Variants in SLCO2A1 observed in about 807,000 individuals in gnomAD.
SLCO2A1 encodes solute carrier organic anion transporter family member 2A1.
A neutral mutation model predicts 71.7 loss-of-function variants in SLCO2A1; 60 were observed. The observed-to-expected ratio is 0.84, with a 90% CI of 0.68 to 1.04. The LOEUF is 1.04. Among genes scored for constraint, SLCO2A1 ranks in the 50% least tolerant of loss-of-function variants. SLCO2A1 has a pLI of 0.00. For synonymous variants in SLCO2A1, 308 were observed against 326.7 expected (o/e 0.94, Z 0.62); for missense variants, 745 against 813.4 (o/e 0.92, Z 1.02).
chr3:134,003,957 T>C (rs1935151818), intron 1 of SLCO2A1, among the ~76,000 whole-genome samples: 1 of 152,212 alleles, frequency 6.6e-6, no homozygotes. Flanking sequence ...AAATTCTCCC[T>C]GTGTACAGCA....
Position 133,945,209 on chromosome 3 carries a change from C to T in SLCO2A1, c.1347G>A (p.Ser449=), listed in dbSNP as rs373457618. The T allele has an allele frequency of 9.3e-6, 15 of 1,613,944 alleles. No individual in the cohort carries two copies. The highest frequency in any genetic ancestry group is 4.0e-5 in the African/African-American group (3 of 74,912). Residue 449 remains serine (S), a synonymous_variant, in exon 10 of 14, where the codon TCG becomes TCA. Transcript: ENST00000310926. ...PQSPACRRDC[S]CPDSIFHPVC... ...CCGGGTGGAAGATAGAATCTGGGCA[C>T]GAGCAGTCCCTGCGGCAGGCAGGAG...
intron 11 of SLCO2A1, among the ~76,000 whole-genome samples, chr3:133,940,901 CCAGGAG>C (rs1933404636): frequency 6.6e-6 from 1 of 152,158 alleles, no homozygotes; most frequent in Non-Finnish European, 1.5e-5. Flanking sequence ...TCCTCCAAGA[CCAGGAG>C]CAGCGGTGCT....
intron 12 of SLCO2A1, among the ~76,000 whole-genome samples, chr3:133,936,242 G>T (rs1933268280): frequency 1.3e-5 from 2 of 152,158 alleles, no homozygotes; most frequent in Admixed American, 6.5e-5. Flanking sequence ...GGCTCTCCAG[G>T]CATCGACTTC....
chr3:134,014,319 TA>T (rs970279611), intron 1 of SLCO2A1, among the ~76,000 whole-genome samples: 4 of 152,096 alleles, frequency 2.6e-5, no homozygotes, highest in Non-Finnish European at 2.9e-5. Flanking sequence ...TGAGCCTCCA[TA>T]GCTTTTCCCT....
chr3:133,951,231 G>T lies in SLCO2A1; in HGVS notation c.838C>A (p.Arg280=). The T allele has an allele frequency of 6.2e-7, 1 of 1,613,934 alleles. No homozygotes were observed. Residue 280 remains arginine, a synonymous_variant, in exon 6 of 14, where the codon CGA becomes AGA. Transcript: ENST00000310926. ...LTSFPFFFFP[R]AMPIGAKRAP... is the part of the protein sequence containing the mutation. The stretch of plus-strand genomic sequence containing the variant: ...ACCTTTGCTCCTATGGGCATTGCTC[G>T]AGGGAAGAAAAAAAAGGGGAAAGAG...
intron 3 of SLCO2A1, among the ~76,000 whole-genome samples, chr3:133,968,796 G>A (rs901619218): frequency 1.3e-5 from 2 of 152,172 alleles, no homozygotes; most frequent in East Asian, 1.9e-4. Context: ...ACCTCTCCGC[G>A]CCTTCCAGAC....
intron 1 of SLCO2A1, 90 bp from the exon 2 acceptor site, chr3:133,979,708 C>G (rs1934542649): frequency 7.1e-7 from 1 of 1,405,106 alleles, no homozygotes; most frequent in Non-Finnish European, 9.6e-7. Context: ...GCAGGCTGAC[C>G]TCTGTTTCCT....
chr3:133,979,972 C>A (rs1482032696), intron 1 of SLCO2A1, among the ~76,000 whole-genome samples: 1 of 152,134 alleles, frequency 6.6e-6, no homozygotes, highest in Non-Finnish European at 1.5e-5. Context: ...CCCAACAGCA[C>A]CACAGTGCTC....
chr3:134,005,064 T>C (rs1377590654), intron 1 of SLCO2A1, among the ~76,000 whole-genome samples: 1 of 152,174 alleles, frequency 6.6e-6, no homozygotes, highest in Non-Finnish European at 1.5e-5. Context: ...ACCATGACAT[T>C]CAGAGAAAAG....
At chr3:133,956,104 T>G (rs890112774) in intron 3 of SLCO2A1, among the ~76,000 whole-genome samples, 3 of 152,210 alleles carry the variant, frequency 2.0e-5, no homozygotes, top group Admixed American at 1.3e-4. Flanking sequence ...TGAGATCCCC[T>G]TTCCCTGTCT....
At chr3:133,938,527 G>C (rs760970839) in intron 11 of SLCO2A1, 34 bp from the exon 12 acceptor site, 2 of 1,601,542 alleles carry the variant, frequency 1.2e-6, no homozygotes, top group Non-Finnish European at 1.7e-6. Context: ...GCAGTGGGAG[G>C]ATTCAGGGCT....
rs571421741 is a variant in SLCO2A1 at position 134,026,111 on chromosome 3, T to C, written c.96+3596A>G. ...TCAGAAGAATCACCCTGATAATTTC[T>C]AGGTCCTAAAAGCCTCAATTATTGG... On this transcript the variant is annotated intron_variant, in intron 1 of 13. Transcript: ENST00000310926. Among the ~76,000 whole-genome samples, 6 of 152,272 alleles carry C rather than the reference T, an allele frequency of 3.9e-5. No homozygotes were observed. In the East Asian group the frequency reaches 1.2e-3, roughly 29 times the overall value.
At chr3:134,021,984 CAAA>C (rs34171405) in intron 1 of SLCO2A1, among the ~76,000 whole-genome samples, 3 of 134,386 alleles carry the variant, frequency 2.2e-5, no homozygotes, top group African/African-American at 2.8e-5. Context: ...GCTTTGCTAA[CAAA>C]AAAAAAAAAG....
chr3:133,940,905 G>A (rs1386064486), intron 11 of SLCO2A1, among the ~76,000 whole-genome samples: 2 of 152,170 alleles, frequency 1.3e-5, no homozygotes, highest in Admixed American at 6.5e-5. Flanking sequence ...CCAAGACCAG[G>A]AGCAGCGGTG....
At chr3:133,965,482 C>T (rs1353194461) in intron 3 of SLCO2A1, among the ~76,000 whole-genome samples, 2 of 152,168 alleles carry the variant, frequency 1.3e-5, no homozygotes, top group African/African-American at 4.8e-5. Context: ...ATGGATGACA[C>T]GAAGCTGGGA....
intron 10 of SLCO2A1, among the ~76,000 whole-genome samples, chr3:133,944,892 TG>T (rs1161462452): frequency 3.3e-5 from 5 of 152,192 alleles, no homozygotes; most frequent in Non-Finnish European, 7.4e-5. Context: ...TAATTGACTG[TG>T]GGCTGTCAGC....
At chr3:133,952,749 T>A (rs1438786640) in intron 5 of SLCO2A1, among the ~76,000 whole-genome samples, 1 of 152,222 alleles carries the variant, frequency 6.6e-6, no homozygotes, top group African/African-American at 2.4e-5. Context: ...TTCTGATCTT[T>A]AAAACAACTT....
intron 1 of SLCO2A1, among the ~76,000 whole-genome samples, chr3:133,986,875 A>G (rs542922430): frequency 6.6e-6 from 1 of 152,276 alleles, no homozygotes; most frequent in South Asian, 2.1e-4. Flanking sequence ...TTTGATCTAC[A>G]TGTTCATGCC....
intron 1 of SLCO2A1, among the ~76,000 whole-genome samples, chr3:133,999,184 G>A (rs1935048731): frequency 6.6e-6 from 1 of 152,162 alleles, no homozygotes; most frequent in Non-Finnish European, 1.5e-5. Context: ...TGGCTTACAT[G>A]GAGATACACT....
Sources: allele counts gnomAD v4.1 joint callset (sites outside exome capture counted in the v4.1 genomes callset), GRCh38; gene constraint gnomAD v4.1.1; transcripts MANE v1.5; gene names NCBI Gene and HGNC (gene_info 2026-07-23, HGNC 2026-07-21).